CCDC171: variants seen among roughly 807,000 people sequenced by gnomAD.
CCDC171 encodes coiled-coil domain-containing protein 171.
Under a neutral mutation model 168.2 loss-of-function variants are expected in CCDC171, and 177 were observed. The observed-to-expected ratio is 1.05, with a 90% CI of 0.93 to 1.19. CCDC171 has a LOEUF of 1.19. Among genes scored for constraint, CCDC171 ranks in the 50% most tolerant of loss-of-function variants. The pLI is 0.00. For synonymous variants in CCDC171, 687 were observed against 540.8 expected (o/e 1.27, Z -3.75); for missense variants, 1,991 against 1,539.0 (o/e 1.29, Z -4.91).
intron 25 of CCDC171, among the ~76,000 whole-genome samples, chr9:15,942,809 T>C (rs1477837629): frequency 1.3e-5 from 2 of 151,818 alleles, no homozygotes; most frequent in Admixed American, 1.3e-4. Context: ...AGAAGAAATA[T>C]AGAGAAAGAT....
At chr9:15,707,418 A>G (rs1425345535) in intron 11 of CCDC171, among the ~76,000 whole-genome samples, 1 of 152,156 alleles carries the variant, frequency 6.6e-6, no homozygotes, top group Non-Finnish European at 1.5e-5. Context: ...ACTCATTTCT[A>G]TTTTGCTTCA....
intron 1 of CCDC171, among the ~76,000 whole-genome samples, chr9:16,056,386 T>A (rs1215469044): frequency 6.6e-6 from 1 of 152,238 alleles, no homozygotes; most frequent in Non-Finnish European, 1.5e-5. Context: ...GAAACTGGAT[T>A]TTTAGTTGTA....
chr9:15,678,100 C>G (rs10119980), intron 9 of CCDC171, among the ~76,000 whole-genome samples: 141,822 of 149,694 alleles, frequency 0.95, 67,217 homozygotes, highest in East Asian at 1. Context: ...TTGTAGAGAT[C>G]GAGTCTTGTT....
the CCDC171 span, among the ~76,000 whole-genome samples, chr9:16,071,063 G>T: frequency 6.6e-6 from 1 of 152,176 alleles, no homozygotes; most frequent in South Asian, 2.1e-4. Context: ...TGAGATGAGA[G>T]GCTAAAAGCC....
At chr9:15,993,776 A>G (rs56354959) in intron 3 of CCDC171, among the ~76,000 whole-genome samples, 11,706 of 152,280 alleles carry the variant, frequency 0.077, 1,478 homozygotes, top group African/African-American at 0.27. Flanking sequence ...AAAAAGTGGC[A>G]AAGGATATGA....
chr9:15,941,419 T>G (rs1827720841), intron 25 of CCDC171, among the ~76,000 whole-genome samples: 3 of 151,802 alleles, frequency 2.0e-5, no homozygotes, highest in Admixed American at 2.0e-4. Context: ...CACATTTAAT[T>G]TGCACCCATA....
At position 15,591,449 on chromosome 9, in the gene CCDC171, A is replaced by C. The variant is rs776875105; in HGVS notation, c.436A>C (p.Arg146=). 5.0e-6 allele frequency: 8 copies of C among 1,609,054 alleles called. No homozygotes were observed. Among genetic ancestry groups the C allele is most frequent in the Non-Finnish European group, 6.8e-6 (8 of 1,177,310 alleles). Residue 146 remains arginine, a synonymous_variant, in exon 5 of 26, where the codon AGA becomes CGA. Transcript: ENST00000380701. The part of the protein sequence containing the change: ...TSQQKWKEEC[R]RFEHDLEERD... ...TCAGCAAAAATGGAAAGAAGAATGC[A>C]GAAGATTTGAACATGATTTGGAGGA...
Position 15,712,062 on chromosome 9 carries a change from C to T in CCDC171, c.1319-9707C>T, listed in dbSNP as rs141078568. ...ATGTAAGCTCTGGCAGGAGTCTGAG[C>T]CTGAAAGCAAGAGAAGATTGATGTT... On this transcript the variant is annotated intron_variant, in intron 11 of 25. Transcript: ENST00000380701. Among the ~76,000 whole-genome samples, 862 of 152,230 alleles carry T rather than the reference C, an allele frequency of 5.7e-3. 10 individuals carry two copies. Among genetic ancestry groups the T allele is most frequent in the African/African-American group, 0.02 (812 of 41,540 alleles).
intron 7 of CCDC171, among the ~76,000 whole-genome samples, chr9:15,642,341 GTGTATATATATATATATA>G (rs1200600189): frequency 0.038 from 1,546 of 40,952 alleles, 49 homozygotes; most frequent in African/African-American, 0.095. Context: ...ACGTGTGTGT[GTGTATATATATATATATA>G]TATATATATA....
intron 10 of CCDC171, among the ~76,000 whole-genome samples, chr9:15,683,057 G>T (rs2050144060): frequency 6.6e-6 from 1 of 151,970 alleles, no homozygotes; most frequent in South Asian, 2.1e-4. Flanking sequence ...TTTCTTCAAT[G>T]AAATTTTCTT....
downstream of CCDC171, among the ~76,000 whole-genome samples, chr9:15,977,141 C>T (rs1055646835): frequency 1.3e-5 from 2 of 152,134 alleles, no homozygotes; most frequent in African/African-American, 4.8e-5. Flanking sequence ...AGACACTTTT[C>T]TGGCTGTAGA....
Position 15,627,859 on chromosome 9 carries a change from T to G in CCDC171, c.822+4446T>G, listed in dbSNP as rs774857321. Among the ~76,000 whole-genome samples, 108 of 152,290 alleles carry G rather than the reference T, an allele frequency of 7.1e-4. 1 individual carries two copies. Among genetic ancestry groups the G allele is most frequent in the Middle Eastern group, 3.4e-3 (1 of 294 alleles). ...CTGCTTGGTGCAGAGCTGAGTTCAA[T>G]TCCTGGATATCCTTGTTAACTTTCG... On this transcript the variant is annotated intron_variant, in intron 7 of 25. Coordinates refer to ENST00000380701, the MANE Select transcript of CCDC171 (RefSeq NM_173550.4).
the CCDC171 span, among the ~76,000 whole-genome samples, chr9:16,105,781 G>A: frequency 6.6e-6 from 1 of 152,096 alleles, no homozygotes; most frequent in Non-Finnish European, 1.5e-5. Flanking sequence ...CACGGTTTTT[G>A]GCCAGAGTCC....
rs908356167 is a variant in CCDC171, at chr9:15,758,243, C to G, written c.2671+12612C>G. ...ACACAGGGGTGGAGCTGCCCAAGAC[C>G]ATGGGAACCCACTTCTTGCATCAGC... On this transcript the variant is annotated intron_variant, in intron 18 of 25. Transcript: ENST00000380701. 2.0e-5 allele frequency among the ~76,000 whole-genome samples: 3 copies of G among 152,194 alleles called. No homozygotes were observed. In the South Asian group the frequency reaches 6.2e-4, roughly 31 times the overall value.
chr9:16,005,941 G>A (rs12000650), intron 3 of CCDC171, among the ~76,000 whole-genome samples: 2,899 of 151,810 alleles, frequency 0.019, 86 homozygotes, highest in African/African-American at 0.064. Context: ...ATGGAGTCTC[G>A]TCTCACCTCC....
At chr9:15,703,226 C>G (rs1402028444) in intron 11 of CCDC171, among the ~76,000 whole-genome samples, 3 of 152,286 alleles carry the variant, frequency 2.0e-5, no homozygotes, top group East Asian at 1.9e-4. Context: ...TTTAATTAGG[C>G]TTTGGCTTAA....
chr9:15,750,478 C>T (rs1265780700), intron 18 of CCDC171, among the ~76,000 whole-genome samples: 1 of 152,148 alleles, frequency 6.6e-6, no homozygotes, highest in Admixed American at 6.5e-5. Context: ...AGGCCAGCAT[C>T]ATCCTGATAC....
chr9:15,828,812 T>C (rs973163967), intron 21 of CCDC171, among the ~76,000 whole-genome samples: 1 of 152,258 alleles, frequency 6.6e-6, no homozygotes, highest in Non-Finnish European at 1.5e-5. Context: ...ATTTTCTCTG[T>C]AATATTTTTC....
At chr9:15,874,465 G>A in intron 23 of CCDC171, 67 bp from the exon 24 acceptor site, 2 of 1,418,570 alleles carry the variant, frequency 1.4e-6, no homozygotes, top group Non-Finnish European at 1.9e-6. Context: ...GGCTCAAGGG[G>A]ACCCAGTTCA....
Sources: allele counts gnomAD v4.1 joint callset (sites outside exome capture counted in the v4.1 genomes callset), GRCh38; gene constraint gnomAD v4.1.1; transcripts MANE v1.5; gene names NCBI Gene and HGNC (gene_info 2026-07-23, HGNC 2026-07-21).